Variants in SCLT1 observed in about 807,000 individuals in gnomAD.
SCLT1 encodes the protein sodium channel-associated protein 1.
SCLT1 carries 78 observed loss-of-function variants against 112.8 expected under a neutral mutation model. That is an observed-to-expected ratio of 0.69 (90% confidence interval 0.58 to 0.83). The LOEUF is 0.83. Ranked by LOEUF, SCLT1 falls within the 40% of genes least tolerant of loss-of-function variation. The pLI is 0.00. For missense variants in SCLT1, 747 were observed against 770.4 expected (o/e 0.97, Z 0.36); for synonymous variants, 257 against 254.7 (o/e 1.01, Z -0.09).
chr4:129,066,579 G>GT (rs2125743350), intron 2 of SCLT1, among the ~76,000 whole-genome samples: 1 of 152,082 alleles, frequency 6.6e-6, no homozygotes, highest in Admixed American at 6.6e-5. Context: ...ATGGAGACAT[G>GT]TTCAAGACTG....
chr4:128,919,038 A>G (rs1408426513), intron 18 of SCLT1, among the ~76,000 whole-genome samples: 5 of 152,136 alleles, frequency 3.3e-5, no homozygotes, highest in Non-Finnish European at 7.4e-5. Flanking sequence ...AAACTAGCAA[A>G]GATATTCAGG....
At chr4:129,014,940 AGGT>A (rs1432052893) in intron 5 of SCLT1, among the ~76,000 whole-genome samples, 44 of 151,842 alleles carry the variant, frequency 2.9e-4, no homozygotes, top group African/African-American at 9.9e-4. Context: ...GTGGTCGTGC[AGGT>A]GGTGGTGCTG....
At chr4:128,916,627 C>T (rs1735495557) in intron 18 of SCLT1, among the ~76,000 whole-genome samples, 1 of 152,186 alleles carries the variant, frequency 6.6e-6, no homozygotes, top group African/African-American at 2.4e-5. Context: ...AATTACGGTA[C>T]ATTTTTTCAA....
intron 2 of SCLT1, among the ~76,000 whole-genome samples, chr4:129,046,633 C>G (rs1282955318): frequency 3.3e-5 from 5 of 152,174 alleles, no homozygotes; most frequent in African/African-American, 1.2e-4. Context: ...AACAGTGCTG[C>G]TACAAACATT....
chr4:128,882,509 T>C (rs1732664385), downstream of SCLT1, among the ~76,000 whole-genome samples: 1 of 152,202 alleles, frequency 6.6e-6, no homozygotes, highest in Non-Finnish European at 1.5e-5. Flanking sequence ...TGTGAGTTCA[T>C]TCAACAAATA....
At chr4:129,081,673 G>A (rs1751950331) in intron 2 of SCLT1, among the ~76,000 whole-genome samples, 1 of 152,124 alleles carries the variant, frequency 6.6e-6, no homozygotes, top group Non-Finnish European at 1.5e-5. Context: ...CTTCAACCAG[G>A]CCCCCTCCTC....
chr4:128,891,339 C>T (rs189290691), intron 18 of SCLT1, among the ~76,000 whole-genome samples: 2 of 151,968 alleles, frequency 1.3e-5, no homozygotes, highest in Non-Finnish European at 2.9e-5. Flanking sequence ...ATTAGTTGCA[C>T]AACAATGTGT....
chr4:128,906,126 T>C (rs1195924230), intron 18 of SCLT1, among the ~76,000 whole-genome samples: 1 of 152,218 alleles, frequency 6.6e-6, no homozygotes, highest in Admixed American at 6.5e-5. Context: ...TTCTAATATC[T>C]TACATCTTGC....
chr4:129,058,816 T>C (rs1248528051), intron 2 of SCLT1, among the ~76,000 whole-genome samples: 2 of 152,188 alleles, frequency 1.3e-5, no homozygotes, highest in Admixed American at 6.5e-5. Flanking sequence ...TCACCACCTA[T>C]TATTGTATTA....
rs780130683 is a variant in SCLT1, at chr4:128,943,049, T to C, written c.1579A>G (p.Thr527Ala). Residue 527 changes from threonine (T) to alanine (A), a missense_variant, in exon 17 of 21, where the codon ACT (threonine) becomes GCT (alanine). By Grantham distance (58) the Thr-to-Ala change is moderately conservative. This residue lies in a region of SCLT1 where 723 missense variants were observed against 721.3 expected (regional missense o/e 1.00). Coordinates refer to ENST00000281142, the MANE Select transcript of SCLT1 (RefSeq NM_144643.4). Reference protein sequence around the residue: ...QQENKQLRKETESLRKIALEA... With the variant: ...QQENKQLRKEAESLRKIALEA... ...AGGGCAATCTTCCTTAAACTCTCAG[T>C]CTCTTTCCGTAACTGTTTATTTTCT... The C allele has an allele frequency of 3.7e-6, 6 of 1,613,038 alleles. No individual in the cohort carries two copies. In the African/African-American group the frequency reaches 6.7e-5, roughly 18 times the overall value.
At chr4:129,005,655 T>A (rs559317714) in intron 5 of SCLT1, among the ~76,000 whole-genome samples, 1 of 152,018 alleles carries the variant, frequency 6.6e-6, no homozygotes. Context: ...ACCCAGCCAT[T>A]GCATTACTGG....
At chr4:129,007,937 G>GT (rs1744176397) in intron 5 of SCLT1, among the ~76,000 whole-genome samples, 1 of 152,036 alleles carries the variant, frequency 6.6e-6, no homozygotes, top group Non-Finnish European at 1.5e-5. Context: ...CCCAGACATC[G>GT]TAACATGCCT....
chr4:128,930,537 T>C (rs147275735), intron 18 of SCLT1, among the ~76,000 whole-genome samples: 1 of 152,308 alleles, frequency 6.6e-6, no homozygotes, highest in African/African-American at 2.4e-5. Context: ...AGGTAACTAA[T>C]GCAGTTCTAG....
intron 10 of SCLT1, among the ~76,000 whole-genome samples, chr4:128,969,648 C>G (rs1377670901): frequency 6.6e-6 from 1 of 152,074 alleles, no homozygotes; most frequent in East Asian, 1.9e-4. Context: ...GTACCTTAAG[C>G]CCATACAAAG....
chr4:128,959,975 A>T (rs1739542351), intron 11 of SCLT1, among the ~76,000 whole-genome samples, 198 bp from the exon 12 acceptor site: 1 of 152,176 alleles, frequency 6.6e-6, no homozygotes. Context: ...CAACAAACAT[A>T]CCCAGAGAGG....
At chr4:128,894,311 C>T (rs187555992) in intron 18 of SCLT1, among the ~76,000 whole-genome samples, 9 of 151,598 alleles carry the variant, frequency 5.9e-5, no homozygotes, top group Non-Finnish European at 1.0e-4. Context: ...CTCTTAACCA[C>T]TGCCCTATAC....
intron 20 of SCLT1, among the ~76,000 whole-genome samples, chr4:128,885,910 CCTT>C (rs1228701711): frequency 6.6e-6 from 1 of 152,138 alleles, no homozygotes; most frequent in Non-Finnish European, 1.5e-5. Context: ...AGCCATCTGT[CCTT>C]CTTTCTCCAT....
chr4:128,913,630 T>G (rs1040632288), intron 18 of SCLT1, among the ~76,000 whole-genome samples: 5 of 152,262 alleles, frequency 3.3e-5, no homozygotes, highest in Middle Eastern at 3.4e-3. Context: ...ACGAGTTATA[T>G]TTAAACAGGG....
At chr4:129,027,428 C>T (rs577156483) in intron 5 of SCLT1, among the ~76,000 whole-genome samples, 1 of 151,958 alleles carries the variant, frequency 6.6e-6, no homozygotes, top group Non-Finnish European at 1.5e-5. Flanking sequence ...ACAAAAACCA[C>T]ATGATTATGT....
Sources: gnomAD v4.1 joint callset for allele counts (sites outside exome capture counted in the v4.1 genomes callset) on GRCh38, gnomAD v4.1.1 for gene constraint, gnomAD v4.1.1 regional missense constraint, MANE v1.5 for transcripts, NCBI Gene and HGNC (gene_info 2026-07-23, HGNC 2026-07-21) for gene names.